Variants in TGFBR1 observed in about 807,000 individuals in gnomAD.
TGFBR1 encodes the protein transforming growth factor beta receptor 1.
Under a neutral mutation model 55.1 loss-of-function variants are expected in TGFBR1, and 20 were observed. That is an observed-to-expected ratio of 0.36 (90% confidence interval 0.26 to 0.53). The LOEUF (loss-of-function observed/expected upper bound fraction) is 0.53, where lower values mean the gene tolerates loss of function less well. Ranked by LOEUF, TGFBR1 falls within the 20% of genes least tolerant of loss-of-function variation. The pLI is 0.91. For missense variants in TGFBR1, 385 were observed against 617.6 expected (o/e 0.62, Z 3.99); for synonymous variants, 220 against 214.8 (o/e 1.02, Z -0.21).
At chr9:99,138,147 C>A in intron 4 of TGFBR1, 58 bp downstream of exon 4, 2 of 1,466,162 alleles carry the variant, frequency 1.4e-6, no homozygotes, top group Non-Finnish European at 1.9e-6. Context: ...TAAGTCTTTA[C>A]AGATATGGTG....
chr9:99,119,346 C>T (rs760009029), intron 1 of TGFBR1, among the ~76,000 whole-genome samples: 2 of 152,132 alleles, frequency 1.3e-5, no homozygotes, highest in African/African-American at 4.8e-5. Flanking sequence ...CTTTCATTTA[C>T]GTTCATTATT....
chr9:99,104,935 G>C (rs1826355416), upstream of TGFBR1, among the ~76,000 whole-genome samples: 2 of 151,826 alleles, frequency 1.3e-5, no homozygotes, highest in South Asian at 4.1e-4. Flanking sequence ...CGTGGGGCGT[G>C]GCCAGAAACC....
chr9:99,150,574 T>C lies in TGFBR1; in HGVS notation c.*1269T>C, dbSNP rs189032587. The stretch of plus-strand genomic sequence containing the variant: ...GTAGGAGTAAACGTTCGGTGGATCC[T>C]CTGTCTTTGTAACTGAGGTTAGAGC... On this transcript the variant is annotated 3_prime_UTR_variant, in exon 9 of 9. Coordinates refer to ENST00000374994, the MANE Select transcript of TGFBR1 (RefSeq NM_004612.4). 116 of 216,018 alleles carry C rather than the reference T, an allele frequency of 5.4e-4. No individual in the cohort carries two copies. The highest frequency in any genetic ancestry group is 2.5e-3 in the African/African-American group (112 of 44,576). The allele number at this position is 216,018 out of a possible 1,614,324, so 13.4% of individuals were successfully genotyped here. A position where few individuals can be genotyped will look rare whatever the true frequency, so the allele number is the denominator to read the frequency against.
intron 4 of TGFBR1, among the ~76,000 whole-genome samples, chr9:99,141,729 CTAGGTTAAAT>C (rs997118822): frequency 5.9e-5 from 9 of 152,138 alleles, no homozygotes; most frequent in African/African-American, 2.2e-4. Flanking sequence ...CCAGCTACTT[CTAGGTTAAAT>C]TAGATTGTCG....
intron 3 of TGFBR1, among the ~76,000 whole-genome samples, chr9:99,134,403 C>T (rs1827355077): frequency 6.6e-6 from 1 of 152,092 alleles, no homozygotes; most frequent in African/African-American, 2.4e-5. Context: ...ATGAAGCAGT[C>T]TTAGTACTGA....
intron 5 of TGFBR1, 63 bp from the exon 6 acceptor site, chr9:99,144,668 TA>T: frequency 6.2e-7 from 1 of 1,601,256 alleles, no homozygotes. Flanking sequence ...CTTTTGAACC[TA>T]AAGATGTGAG....
upstream of TGFBR1, among the ~76,000 whole-genome samples, chr9:99,103,800 C>T (rs1826328717): frequency 6.6e-6 from 1 of 152,194 alleles, no homozygotes; most frequent in Non-Finnish European, 1.5e-5. Flanking sequence ...GCTCCAATAT[C>T]CACGCCTTTT....
chr9:99,139,633 A>T (rs1177883125), intron 4 of TGFBR1, among the ~76,000 whole-genome samples: 1 of 152,236 alleles, frequency 6.6e-6, no homozygotes, highest in Non-Finnish European at 1.5e-5. Context: ...TCTTCAAATG[A>T]TGAGGAAATG....
intron 4 of TGFBR1, among the ~76,000 whole-genome samples, chr9:99,138,905 C>T (rs998772521): frequency 2.0e-5 from 3 of 151,800 alleles, no homozygotes; most frequent in African/African-American, 7.3e-5. Context: ...TCAAGTGGTT[C>T]TCCTGCCTCA....
intron 6 of TGFBR1, among the ~76,000 whole-genome samples, chr9:99,145,490 C>G (rs1175300990): frequency 6.6e-6 from 1 of 152,168 alleles, no homozygotes; most frequent in Non-Finnish European, 1.5e-5. Flanking sequence ...CCTATATATT[C>G]TATTAGGTGC....
intron 4 of TGFBR1, among the ~76,000 whole-genome samples, chr9:99,138,576 G>A (rs1441100786): frequency 6.6e-6 from 1 of 152,126 alleles, no homozygotes; most frequent in Non-Finnish European, 1.5e-5. Flanking sequence ...GAATCTTCTG[G>A]CAAACTCAAA....
chr9:99,147,083 T>TG (rs1327169576), intron 7 of TGFBR1, among the ~76,000 whole-genome samples: 24 of 152,354 alleles, frequency 1.6e-4, no homozygotes, highest in African/African-American at 5.8e-4. Flanking sequence ...GCTTTTTAGA[T>TG]GGAGTACTTT....
At chr9:99,105,372 GCT>G in intron 1 of TGFBR1, 70 bp downstream of exon 1, 8 of 975,702 alleles carry the variant, frequency 8.2e-6, no homozygotes, top group Non-Finnish European at 9.7e-6. Context: ...GCTCGCTCCT[GCT>G]CTTTCTCAAA....
chr9:99,118,166 A>G (rs73505673), intron 1 of TGFBR1, among the ~76,000 whole-genome samples: 8,534 of 152,212 alleles, frequency 0.056, 599 homozygotes, highest in African/African-American at 0.16. Flanking sequence ...TTTTTTTGGT[A>G]TAGTGAGTAA....
rs191427686 is a variant in TGFBR1 at position 99,121,044 on chromosome 9, G to A, written c.98-7811G>A. On this transcript the variant is annotated intron_variant, in intron 1 of 8. Coordinates refer to ENST00000374994, the MANE Select transcript of TGFBR1 (RefSeq NM_004612.4). ...TGGAAAAACAAGAGCTTGTGAATTT[G>A]GGAGTGCCCTGTTCTTTTAAGATGT... 2.4e-3 allele frequency among the ~76,000 whole-genome samples: 359 copies of A among 152,300 alleles called. 2 individuals carry two copies. Among genetic ancestry groups the A allele is most frequent in the African/African-American group, 8.2e-3 (339 of 41,582 alleles).
intron 1 of TGFBR1, among the ~76,000 whole-genome samples, chr9:99,118,840 A>G (rs1421060250): frequency 1.3e-5 from 2 of 151,588 alleles, no homozygotes; most frequent in Non-Finnish European, 2.9e-5. Context: ...TCTTTTGTAC[A>G]ATGTTTTTGT....
chr9:99,143,936 G>A (rs1237381228), intron 5 of TGFBR1, among the ~76,000 whole-genome samples: 1 of 152,148 alleles, frequency 6.6e-6, no homozygotes, highest in Non-Finnish European at 1.5e-5. Context: ...CTTTCACTTA[G>A]CATGTTTTCA....
At chr9:99,147,912 GT>G in intron 8 of TGFBR1, 128 bp downstream of exon 8, 1 of 1,112,170 alleles carries the variant, frequency 9.0e-7, no homozygotes, top group East Asian at 2.6e-5. Context: ...TCAAACCAAT[GT>G]TTAAAAACAG....
chr9:99,111,585 C>T (rs1281210428), intron 1 of TGFBR1, among the ~76,000 whole-genome samples: 1 of 151,876 alleles, frequency 6.6e-6, no homozygotes, highest in Non-Finnish European at 1.5e-5. Context: ...GCCGAGATTG[C>T]GCCACTGCAC....
Sources: allele counts gnomAD v4.1 joint callset (sites outside exome capture counted in the v4.1 genomes callset), GRCh38; gene constraint gnomAD v4.1.1; transcripts MANE v1.5; gene names NCBI Gene and HGNC (gene_info 2026-07-23, HGNC 2026-07-21).